The following SHANK2 variants were observed in gnomAD, a reference collection of about 807,000 sequenced individuals.
SHANK2 encodes SH3 and multiple ankyrin repeat domains 2.
In SHANK2, 43 loss-of-function variants were observed where a neutral mutation model predicts 133.7. That is an observed-to-expected ratio of 0.32 (90% CI 0.25 to 0.41). The LOEUF (loss-of-function observed/expected upper bound fraction) is 0.41. Among genes scored for constraint, SHANK2 ranks in the 10% least tolerant of loss-of-function variants. The pLI, the probability that SHANK2 is intolerant of heterozygous loss-of-function variation, is 1.00. For missense variants in SHANK2, 1,994 were observed against 2,235.8 expected, an observed-to-expected ratio of 0.89 and a Z score of 2.18; for synonymous variants, 1,017 against 952.8, an observed-to-expected ratio of 1.07 and a Z score of -1.24.
rs1216241283 is a variant in SHANK2, at chr11:71,059,025, GCAA to G, written c.1030-2470_1030-2468del. 4.4e-3 allele frequency among the ~76,000 whole-genome samples: 670 copies of G among 152,280 alleles called. 5 individuals are homozygous for G. The highest frequency in any genetic ancestry group is 0.015 in the African/African-American group (620 of 41,562). On this transcript the variant is annotated intron_variant, in intron 9 of 25. Coordinates refer to ENST00000601538, the MANE Select transcript of SHANK2 (RefSeq NM_012309.5). ...AGGTCAGGAGTTCAAGACCAGCCTGGCAACAACATGGTGAAACCTTGTCTCTAC... is the reference window on the plus strand; with the variant it reads ...AGGTCAGGAGTTCAAGACCAGCCTGGCAACATGGTGAAACCTTGTCTCTAC...
At chr11:71,085,588 TATATA>T (rs1951372109) in intron 8 of SHANK2, among the ~76,000 whole-genome samples, 1 of 27,192 alleles carries the variant, frequency 3.7e-5, no homozygotes, top group South Asian at 9.9e-4. Context: ...TATAATATAT[TATATA>T]ATATATATAT....
At chr11:70,787,086 C>CCAG (rs1256380900) in intron 14 of SHANK2, among the ~76,000 whole-genome samples, 1 of 150,480 alleles carries the variant, frequency 6.6e-6, no homozygotes, top group Non-Finnish European at 1.5e-5. Flanking sequence ...ACCACCACCA[C>CCAG]CAGCATCACC....
At chr11:71,243,210 A>C (rs552932579) in intron 1 of SHANK2, among the ~76,000 whole-genome samples, 1 of 152,348 alleles carries the variant, frequency 6.6e-6, no homozygotes, top group South Asian at 2.1e-4. Flanking sequence ...GAAATAATAA[A>C]GGTTAGGGCT....
At position 70,487,108 on chromosome 11, in the gene SHANK2, G is replaced by A. The variant is rs782121688; in HGVS notation, c.3185C>T (p.Pro1062Leu). The change falls in exon 25 of 26, where the codon CCA becomes CTA. Residue 1062 changes from proline to leucine, a missense_variant. This residue lies in a region of SHANK2 where 488 missense variants were observed against 642.6 expected (regional missense o/e 0.76). Transcript: ENST00000601538. This position sits in a 1 kb window ranked among gnomAD's most constrained non-coding sequence, Gnocchi z 5.8. Reference sequence around the variant, plus strand: ...TTCGTCAGGCCGCAGCTGGCTCGGTGGCTCCGGGGCCTGGGGGTCGATCTC... The same window carrying A: ...TTCGTCAGGCCGCAGCTGGCTCGGTAGCTCCGGGGCCTGGGGGTCGATCTC... ...SMEIDPQAPE[P>L]PSQLRPDESL... 70 of 1,611,188 alleles carry A rather than the reference G, an allele frequency of 4.3e-5. No individual in the cohort carries two copies. In the Admixed American group the frequency reaches 1.2e-3, roughly 26 times the overall value.
At chr11:71,123,121 G>A (rs557865161) in intron 3 of SHANK2, among the ~76,000 whole-genome samples, 113 of 152,240 alleles carry the variant, frequency 7.4e-4, no homozygotes, top group Admixed American at 1.6e-3. Context: ...AGCCCACGAC[G>A]TCAGAAGACA....
At chr11:70,660,046 G>T in intron 16 of SHANK2, 94 bp from the exon 17 acceptor site, 1 of 1,537,194 alleles carries the variant, frequency 6.5e-7, no homozygotes, top group Non-Finnish European at 8.9e-7. Context: ...GAGGAAGTGG[G>T]CCCACTCATC....
intron 17 of SHANK2, among the ~76,000 whole-genome samples, chr11:70,589,645 C>T (rs948474906): frequency 6.6e-6 from 1 of 152,214 alleles, no homozygotes; most frequent in Non-Finnish European, 1.5e-5. Context: ...AGTGATTCCT[C>T]TGACGGATCT....
At chr11:71,112,114 C>A (rs782075073) in intron 5 of SHANK2, among the ~76,000 whole-genome samples, 6 of 152,218 alleles carry the variant, frequency 3.9e-5, no homozygotes, top group Non-Finnish European at 7.3e-5. Flanking sequence ...AAGAATCCTG[C>A]CGGGCACAGT....
At chr11:70,884,586 G>T (rs1408934689) in intron 11 of SHANK2, among the ~76,000 whole-genome samples, 1 of 152,212 alleles carries the variant, frequency 6.6e-6, no homozygotes, top group African/African-American at 2.4e-5. Flanking sequence ...CGGATTGGAA[G>T]GGAATGACCA....
At chr11:70,837,932 C>T (rs1233805383) in intron 11 of SHANK2, among the ~76,000 whole-genome samples, 1 of 139,522 alleles carries the variant, frequency 7.2e-6, no homozygotes, top group East Asian at 2.1e-4. Flanking sequence ...CAAGATGGTG[C>T]CATTGCACTC....
intron 17 of SHANK2, among the ~76,000 whole-genome samples, chr11:70,544,595 G>A: frequency 6.6e-6 from 1 of 152,210 alleles, no homozygotes; most frequent in East Asian, 1.9e-4. Context: ...TCAGGTCACA[G>A]TAGACACCAT....
chr11:71,174,368 G>A (rs118109496), intron 2 of SHANK2, among the ~76,000 whole-genome samples: 1,825 of 152,190 alleles, frequency 0.012, 13 homozygotes, highest in Non-Finnish European at 0.019. Flanking sequence ...GCAACGTTGT[G>A]AGACCTCATT....
chr11:70,691,678 G>A (rs1276627725), intron 15 of SHANK2, among the ~76,000 whole-genome samples: 1 of 152,192 alleles, frequency 6.6e-6, no homozygotes, highest in Non-Finnish European at 1.5e-5. Flanking sequence ...GATCACTTGA[G>A]GTCAGGAGTT....
intron 10 of SHANK2, chr11:70,933,258 C>T (rs1344219598): frequency 6.6e-6 from 3 of 455,576 alleles, no homozygotes; most frequent in African/African-American, 6.0e-5. Context: ...GTGAAATAAA[C>T]CAGTCACAAA....
chr11:70,608,579 G>A (rs1421156749), intron 17 of SHANK2, among the ~76,000 whole-genome samples: 8 of 152,288 alleles, frequency 5.3e-5, no homozygotes, highest in Admixed American at 2.0e-4. Context: ...CACAGCACTC[G>A]GCAGCAGGGA....
At chr11:70,826,409 G>A (rs781908762) in intron 11 of SHANK2, 1 of 469,298 alleles carries the variant, frequency 2.1e-6, no homozygotes, top group Non-Finnish European at 4.4e-6. Context: ...CCCACCCCGA[G>A]AATCAGCAAG....
At chr11:70,733,904 T>C (rs1318564774) in intron 14 of SHANK2, among the ~76,000 whole-genome samples, 3 of 152,172 alleles carry the variant, frequency 2.0e-5, no homozygotes, top group Non-Finnish European at 4.4e-5. Context: ...AAGCACTTGC[T>C]ACCCCTGGGT....
At chr11:70,955,419 C>CA (rs1950904280) in intron 10 of SHANK2, among the ~76,000 whole-genome samples, 4 of 89,938 alleles carry the variant, frequency 4.4e-5, no homozygotes, top group South Asian at 4.8e-4. Flanking sequence ...CACAGACCCA[C>CA]GGGGTGTGTG....
At chr11:70,858,739 C>T (rs1352060489) in intron 11 of SHANK2, among the ~76,000 whole-genome samples, 1 of 152,248 alleles carries the variant, frequency 6.6e-6, no homozygotes, top group Non-Finnish European at 1.5e-5. Flanking sequence ...AGGGACTTGG[C>T]TCCTATCTCC....
Sources: gnomAD v4.1 joint callset for allele counts (sites outside exome capture counted in the v4.1 genomes callset) on GRCh38, gnomAD v4.1.1 for gene constraint, gnomAD v4.1.1 regional missense constraint, Gnocchi (gnomAD v3.1) non-coding constraint, MANE v1.5 for transcripts, NCBI Gene and HGNC (gene_info 2026-07-23, HGNC 2026-07-21) for gene names.